MAPK12: variants seen among roughly 807,000 people sequenced by gnomAD.
MAPK12 encodes the protein mitogen-activated protein kinase 12, also known as MAP kinase 12.
MAPK12 carries 49 observed loss-of-function variants against 49.1 expected under a neutral mutation model. That is an observed-to-expected ratio of 1.00 (90% CI 0.79 to 1.27). The LOEUF (loss-of-function observed/expected upper bound fraction) is 1.27. Among genes scored for constraint, MAPK12 ranks in the 50% most tolerant of loss-of-function variants. MAPK12 has a pLI of 0.00. For missense variants in MAPK12, 554 were observed against 502.4 expected (o/e 1.10, Z -0.98); for synonymous variants, 251 against 209.7 (o/e 1.20, Z -1.70).
intron 11 of MAPK12, 21 bp from the exon 12 acceptor site, chr22:50,253,501 G>GGGGGGT: frequency 5.6e-6 from 2 of 354,168 alleles, no homozygotes; most frequent in Admixed American, 4.2e-5. Flanking sequence ...TGGGGGGGCG[G>GGGGGGT]GCACAACAGA....
chr22:50,258,720 AG>A (rs1300777368), intron 2 of MAPK12, among the ~76,000 whole-genome samples: 2 of 152,224 alleles, frequency 1.3e-5, no homozygotes, highest in East Asian at 3.8e-4. Context: ...CCAGGCGGAC[AG>A]CACCGTGACC....
In MAPK12 at chr22:50,253,017, C is replaced by T; in HGVS notation, c.*384G>A. ...TGACGTCGCCCAGGAGAGGGGATGT[C>T]CCTGAGTTGGTGCCCTGCGCCCACC... On this transcript the variant is annotated 3_prime_UTR_variant, in exon 12 of 12. Coordinates refer to ENST00000215659, the MANE Select transcript of MAPK12 (RefSeq NM_002969.6). The T allele has an allele frequency of 3.1e-6, 1 of 317,778 alleles. No individual in the cohort carries two copies. Among genetic ancestry groups the T allele is most frequent in the Non-Finnish European group, 6.1e-6 (1 of 164,030 alleles). 19.7% of individuals were successfully genotyped at this position (317,778 alleles called of 1,614,324 possible). A position where few individuals can be genotyped will look rare whatever the true frequency, so the allele number is the denominator to read the frequency against.
intron 5 of MAPK12, 134 bp downstream of exon 5, chr22:50,256,801 C>T (rs2065154946): frequency 6.6e-7 from 1 of 1,510,168 alleles, no homozygotes; most frequent in Non-Finnish European, 8.9e-7. Flanking sequence ...GGCACCCAGG[C>T]AGGTTCCCAC....
At chr22:50,257,058 T>G (rs1302340137) in intron 4 of MAPK12, 24 bp downstream of exon 4, 1 of 1,608,448 alleles carries the variant, frequency 6.2e-7, no homozygotes, top group East Asian at 2.2e-5. Context: ...CCTGCCTCCC[T>G]GCAGCCTCCC....
At chr22:50,255,914 AG>A (rs1569142000) in intron 7 of MAPK12, 33 bp from the exon 8 acceptor site, 2 of 1,601,450 alleles carry the variant, frequency 1.2e-6, no homozygotes, top group Admixed American at 1.7e-5. Flanking sequence ...CTCCGTGGGC[AG>A]GGGGACAGGA....
Position 50,258,022 on chromosome 22 carries a change from C to T in MAPK12, c.314+221G>A, listed in dbSNP as rs1203617186. 8.8e-5 allele frequency: 64 copies of T among 728,872 alleles called. 1 individual carries two copies. The highest frequency in any genetic ancestry group is 6.9e-4 in the South Asian group (47 of 68,574). 45.2% of individuals were successfully genotyped at this position (728,872 alleles called of 1,614,324 possible). On this transcript the variant is annotated intron_variant, in intron 3 of 11. Coordinates refer to ENST00000215659, the MANE Select transcript of MAPK12 (RefSeq NM_002969.6). ...CCCAGGTGCCAGGCGTGGAGAGAGG[C>T]AGCAGCCCCAGCTCTGCCCAGCTGT...
At chr22:50,253,502 G>GGGGGGGGGGGGCCCCCCC in intron 11 of MAPK12, 22 bp from the exon 12 acceptor site, 1 of 171,682 alleles carries the variant, frequency 5.8e-6, no homozygotes, top group Non-Finnish European at 1.1e-5. Context: ...GGGGGGGCGG[G>GGGGGGGGGGGGCCCCCCC]CACAACAGAG....
rs2065151510 is a variant in MAPK12, at chr22:50,256,484, C to T, written c.504+115G>A. The T allele has an allele frequency of 8.8e-6, 12 of 1,369,440 alleles. No homozygotes were observed. In the Middle Eastern group the frequency reaches 5.7e-4, roughly 64 times the overall value. The allele number at this position is 1,369,440 out of a possible 1,614,324, so 84.8% of individuals were successfully genotyped here. ...CTCACCCACCCACCAGCTCCTCAGC[C>T]ACTGCCCAGAGCCTGGGACCTTGGC... On this transcript the variant is annotated intron_variant, in intron 6 of 11. Coordinates refer to ENST00000215659, the MANE Select transcript of MAPK12 (RefSeq NM_002969.6).
At position 50,257,575 on chromosome 22, in the gene MAPK12, T is replaced by C. The variant is rs1224133125; in HGVS notation, c.315-382A>G. ...AGGCAGGGGAGGGAGGCAGTCAGGT[T>C]TCAACTTCACAACTTTGTGCCAGAA... is the stretch of plus-strand genomic sequence containing the variant. On this transcript the variant is annotated intron_variant, in intron 3 of 11. Coordinates refer to ENST00000215659, the MANE Select transcript of MAPK12 (RefSeq NM_002969.6). 7 of 539,760 alleles carry C rather than the reference T, an allele frequency of 1.3e-5. No homozygotes were observed. The East Asian group carries it at 2.2e-4, about 17-fold the overall frequency. The allele number at this position is 539,760 out of a possible 1,614,324, so 33.4% of individuals were successfully genotyped here. A position where few individuals can be genotyped will look rare whatever the true frequency, so the allele number is the denominator to read the frequency against.
chr22:50,254,577 G>A (rs1025309491), intron 11 of MAPK12: 10 of 872,496 alleles, frequency 1.1e-5, no homozygotes, highest in Admixed American at 5.8e-5. Flanking sequence ...GTGTGTACCC[G>A]GGAGACGGAG....
Position 50,253,498 on chromosome 22 carries a change from G to GC in MAPK12, c.1025-19dup. On this transcript the variant is annotated intron_variant, in intron 11 of 11. Transcript: ENST00000215659. ...AGTAACACCTGGCGGGGGTGGGGGGGCGGGCACAACAGAGAGGGGGGTCAG... is the reference window on the plus strand; with the variant it reads ...AGTAACACCTGGCGGGGGTGGGGGGGCCGGGCACAACAGAGAGGGGGGTCAG... 4.3e-6 allele frequency: 2 copies of GC among 466,302 alleles called. No homozygotes were observed. Among genetic ancestry groups the GC allele is most frequent in the South Asian group, 1.6e-5 (1 of 61,432 alleles). The allele number at this position is 466,302 out of a possible 1,614,324, so 28.9% of individuals were successfully genotyped here.
chr22:50,253,712 C>T (rs2065121537), intron 11 of MAPK12: 1 of 576,630 alleles, frequency 1.7e-6, no homozygotes, highest in Non-Finnish European at 3.1e-6. Context: ...CACGGTCTGT[C>T]CTAAGAGCTG....
In MAPK12 at chr22:50,255,705, G is replaced by GTC; in HGVS notation, c.692-13_692-12dup. ...TCAGCTGGTCCAGGTCTGCACCGAGGTCAGGAACACAGCTCGGGGGCCAGA... is the reference window on the plus strand; with the variant it reads ...TCAGCTGGTCCAGGTCTGCACCGAGGTCTCAGGAACACAGCTCGGGGGCCAGA... On this transcript the variant is annotated splice_polypyrimidine_tract_variant and intron_variant, in intron 8 of 11. Coordinates refer to ENST00000215659, the MANE Select transcript of MAPK12 (RefSeq NM_002969.6). 6.2e-7 allele frequency: 1 copy of GTC among 1,609,820 alleles called. No homozygotes were observed. Among genetic ancestry groups the GTC allele is most frequent in the Non-Finnish European group, 8.5e-7 (1 of 1,179,962 alleles).
rs1383176177 is a variant in MAPK12, at chr22:50,253,337, G to A, written c.*64C>T. 43 of 1,235,316 alleles carry A rather than the reference G, an allele frequency of 3.5e-5. No individual in the cohort carries two copies. Among genetic ancestry groups the A allele is most frequent in the Non-Finnish European group, 4.9e-5 (42 of 859,600 alleles). 76.5% of individuals were successfully genotyped at this position (1,235,316 alleles called of 1,614,324 possible). ...CCCCAGCCAAGGTCAAGGTGGCAAC[G>A]AGAGTCCCCTCTCAGGTGGAAGGTG... On this transcript the variant is annotated 3_prime_UTR_variant, in exon 12 of 12. Transcript: ENST00000215659.
chr22:50,255,044 G>A (rs773822776), intron 11 of MAPK12, 153 bp downstream of exon 11: 1 of 1,502,494 alleles, frequency 6.7e-7, no homozygotes, highest in Non-Finnish European at 8.9e-7. Flanking sequence ...CCTGCACAGG[G>A]CCCACAGGGT....
chr22:50,261,096 T>G, intron 2 of MAPK12, 71 bp downstream of exon 2: 3 of 1,416,280 alleles, frequency 2.1e-6, no homozygotes, highest in Non-Finnish European at 2.8e-6. Flanking sequence ...GGTTGCCGGG[T>G]GGGGGAACCC....
chr22:50,253,075 C>G lies in MAPK12; in HGVS notation c.*326G>C. The stretch of plus-strand genomic sequence containing the variant: ...CTTCCTCTGCATGGCCCAGAGCAGG[C>G]AGGGCTCAGAGGCCAAGGCCTGATC... On this transcript the variant is annotated 3_prime_UTR_variant, in exon 12 of 12. Coordinates refer to ENST00000215659, the MANE Select transcript of MAPK12 (RefSeq NM_002969.6). 2 of 412,516 alleles carry G rather than the reference C, an allele frequency of 4.8e-6. No individual in the cohort carries two copies. The highest frequency in any genetic ancestry group is 7.3e-5 in the Admixed American group (2 of 27,426). The allele number at this position is 412,516 out of a possible 1,614,324, so 25.6% of individuals were successfully genotyped here.
rs1289131718 is a variant in MAPK12, at chr22:50,254,633, CAG to C, written c.1024+562_1024+563del. The C allele has an allele frequency of 4.0e-6, 4 of 1,002,352 alleles. No individual in the cohort carries two copies. The East Asian group carries it at 4.2e-4, about 105-fold the overall frequency. 62.1% of individuals were successfully genotyped at this position (1,002,352 alleles called of 1,614,324 possible). A position where few individuals can be genotyped will look rare whatever the true frequency, so the allele number is the denominator to read the frequency against. ...TGCCACTGCCCTCCAGCCTGGGCAT[CAG>C]AGTGAGACTCCGTCTCAAAAAACAA... On this transcript the variant is annotated intron_variant, in intron 11 of 11. Transcript: ENST00000215659.
In MAPK12 at chr22:50,261,456, C is replaced by A. The variant is rs867860805; in HGVS notation, c.54G>T (p.Lys18Asn). The change falls in exon 1 of 12, where the codon AAG becomes AAT. Residue 18 changes from lysine (K) to asparagine (N), a missense_variant. Coordinates refer to ENST00000215659, the MANE Select transcript of MAPK12 (RefSeq NM_002969.6). ...RSGFYRQEVT[K>N]TAWEVRAVYR... ...ACACGGCGCGCACCTCCCAGGCCGTCTTGGTCACCTCCTGGCGGTAAAAGC... is the reference window on the plus strand; with the variant it reads ...ACACGGCGCGCACCTCCCAGGCCGTATTGGTCACCTCCTGGCGGTAAAAGC... The A allele has an allele frequency of 7.8e-7, 1 of 1,285,182 alleles. No individual in the cohort carries two copies. Among genetic ancestry groups the A allele is most frequent in the Non-Finnish European group, 1.0e-6 (1 of 992,988 alleles). 79.6% of individuals were successfully genotyped at this position (1,285,182 alleles called of 1,614,324 possible).
Sources: allele counts gnomAD v4.1 joint callset (sites outside exome capture counted in the v4.1 genomes callset), GRCh38; gene constraint gnomAD v4.1.1; transcripts MANE v1.5; gene names NCBI Gene and HGNC (gene_info 2026-07-23, HGNC 2026-07-21).